Variants in OSBPL10 observed in about 807,000 individuals in gnomAD.
The protein encoded by OSBPL10 is oxysterol binding protein like 10, also known as oxysterol-binding protein-related protein 10.
In OSBPL10, 49 loss-of-function variants were observed where a neutral mutation model predicts 81.7. That is an observed-to-expected ratio of 0.60 (90% confidence interval 0.48 to 0.76). The LOEUF (loss-of-function observed/expected upper bound fraction) is 0.76, where lower values mean the gene tolerates loss of function less well. OSBPL10 is among the 30% of genes least tolerant of loss of function. OSBPL10 has a pLI of 0.00. For synonymous variants in OSBPL10, 419 were observed against 383.6 expected (o/e 1.09, Z -1.08); for missense variants, 923 against 987.8 (o/e 0.93, Z 0.88).
At chr3:31,950,263 A>G (rs1481057243) in intron 1 of OSBPL10, among the ~76,000 whole-genome samples, 1 of 152,240 alleles carries the variant, frequency 6.6e-6, no homozygotes, top group African/African-American at 2.4e-5. Context: ...CCTACAAACC[A>G]ATGCAAAAAA....
chr3:32,002,718 A>T (rs189667973), intron 2 of OSBPL10, among the ~76,000 whole-genome samples: 2 of 152,248 alleles, frequency 1.3e-5, no homozygotes, highest in African/African-American at 4.8e-5. Flanking sequence ...AAGGTTTCTC[A>T]GTGAGTCAGA....
Position 31,661,726 on chromosome 3 carries a change from A to C in OSBPL10, c.*346T>G. 5.3e-6 allele frequency: 1 copy of C among 189,720 alleles called. No homozygotes were observed. Among genetic ancestry groups the C allele is most frequent in the Non-Finnish European group, 1.1e-5 (1 of 93,018 alleles). The allele number at this position is 189,720 out of a possible 1,614,324, so 11.8% of individuals were successfully genotyped here. A position where few individuals can be genotyped will look rare whatever the true frequency, so the allele number is the denominator to read the frequency against. On this transcript the variant is annotated 3_prime_UTR_variant, in exon 12 of 12. Coordinates refer to ENST00000396556, the MANE Select transcript of OSBPL10 (RefSeq NM_017784.5). ...AAACATTTTTGGCAAAGTGAAAAATAGAAAAACTTCAAACTTCATTGATAA... is the reference window on the plus strand; with the variant it reads ...AAACATTTTTGGCAAAGTGAAAAATCGAAAAACTTCAAACTTCATTGATAA...
intron 7 of OSBPL10, among the ~76,000 whole-genome samples, chr3:31,685,280 G>A (rs1559415167): frequency 6.6e-6 from 1 of 152,258 alleles, no homozygotes; most frequent in East Asian, 1.9e-4. Context: ...TCAGCTCACT[G>A]CAACCTCCAC....
intron 1 of OSBPL10, among the ~76,000 whole-genome samples, chr3:31,926,182 TCAA>T (rs1171006012): frequency 6.6e-6 from 1 of 151,884 alleles, no homozygotes; most frequent in African/African-American, 2.4e-5. Context: ...TCAATTGTGC[TCAA>T]CAAATGTTTA....
chr3:31,807,328 G>A (rs373241421), intron 4 of OSBPL10, among the ~76,000 whole-genome samples: 6 of 152,110 alleles, frequency 3.9e-5, no homozygotes, highest in South Asian at 2.1e-4. Context: ...AGCAGAGATC[G>A]TGCCACTACA....
chr3:31,885,545 C>G (rs867100081), intron 1 of OSBPL10, among the ~76,000 whole-genome samples: 1 of 152,096 alleles, frequency 6.6e-6, no homozygotes, highest in Non-Finnish European at 1.5e-5. Context: ...GCCTCTACAC[C>G]CCCATCTACC....
chr3:31,951,474 G>A (rs1052009511), intron 1 of OSBPL10, among the ~76,000 whole-genome samples: 2 of 152,098 alleles, frequency 1.3e-5, no homozygotes, highest in East Asian at 3.9e-4. Flanking sequence ...GGGAGGAAAG[G>A]ATTGAGTTGA....
At chr3:32,026,009 G>GACAT (rs1699402061) in intron 2 of OSBPL10, among the ~76,000 whole-genome samples, 1 of 92,916 alleles carries the variant, frequency 1.1e-5, no homozygotes, top group South Asian at 4.0e-4. Flanking sequence ...TATATATACA[G>GACAT]ACATAGATAG....
intron 4 of OSBPL10, among the ~76,000 whole-genome samples, chr3:31,783,144 T>TACACAC (rs1193969514): frequency 2.3e-4 from 23 of 100,650 alleles, no homozygotes; most frequent in African/African-American, 9.9e-4. Flanking sequence ...TATATATATA[T>TACACAC]ATACACACAC....
At chr3:31,693,979 A>T (rs1695635087) in intron 7 of OSBPL10, among the ~76,000 whole-genome samples, 1 of 152,158 alleles carries the variant, frequency 6.6e-6, no homozygotes, top group Non-Finnish European at 1.5e-5. Context: ...TATGTTGCTC[A>T]GGCTGGTCTC....
At chr3:31,842,545 T>C (rs1399346528) in intron 3 of OSBPL10, among the ~76,000 whole-genome samples, 39 of 152,232 alleles carry the variant, frequency 2.6e-4, no homozygotes. Flanking sequence ...GCTCCTACTA[T>C]GGCTTCTGAC....
chr3:31,782,867 A>C (rs1434219046), intron 4 of OSBPL10, among the ~76,000 whole-genome samples: 1 of 152,126 alleles, frequency 6.6e-6, no homozygotes, highest in African/African-American at 2.4e-5. Context: ...ACCATTATGG[A>C]AAACAGTATG....
chr3:31,772,522 G>A (rs1386111440), intron 4 of OSBPL10, among the ~76,000 whole-genome samples: 3 of 152,150 alleles, frequency 2.0e-5, no homozygotes, highest in Admixed American at 6.5e-5. Context: ...GTGGTAAGCC[G>A]TTTGCCTGAG....
rs778931462 is a variant in OSBPL10, at chr3:31,702,344, G to T, written c.1245+15C>A. The T allele has an allele frequency of 2.5e-5, 41 of 1,613,286 alleles. No homozygotes were observed. Among genetic ancestry groups the T allele is most frequent in the Non-Finnish European group, 3.5e-5 (41 of 1,179,266 alleles). Reference sequence around the variant, plus strand: ...CCAACAACTGACCACAAATCCAGGGGACATGCCAACCTACCTTGGTCAAAT... The same window carrying T: ...CCAACAACTGACCACAAATCCAGGGTACATGCCAACCTACCTTGGTCAAAT... On this transcript the variant is annotated intron_variant, in intron 7 of 11. Transcript: ENST00000396556.
intron 2 of OSBPL10, among the ~76,000 whole-genome samples, chr3:32,018,627 G>A (rs556452844): frequency 2.6e-5 from 4 of 152,132 alleles, no homozygotes; most frequent in Non-Finnish European, 5.9e-5. Context: ...GATCATTTGA[G>A]CCCAGGAGCT....
intron 1 of OSBPL10, among the ~76,000 whole-genome samples, chr3:31,881,171 T>C (rs1006027250): frequency 2.4e-4 from 37 of 152,226 alleles, no homozygotes; most frequent in South Asian, 1.0e-3. Context: ...TCTGATTCAA[T>C]GACTGGTTTC....
chr3:31,668,708 G>A lies in OSBPL10; in HGVS notation c.2030C>T (p.Thr677Ile), dbSNP rs374288288. ...YNNGETKVID[T>I]TTLPVYPKKI... ...CTTGGGATACACTGGCAGTGTGGTT[G>A]TGTCGATGACTTTGGTTTCTCCATT... Residue 677 changes from threonine to isoleucine, a missense_variant, in exon 10 of 12, where the codon ACA (threonine) becomes ATA (isoleucine). Physicochemically the swap from Thr to Ile is moderately conservative, Grantham distance 89 (BLOSUM62 -1). Around this residue, in one of 3 missense-constraint regions of OSBPL10, gnomAD observed 387 missense variants for 436.3 expected, o/e 0.89. Transcript: ENST00000396556. 26 of 1,614,062 alleles carry A rather than the reference G, an allele frequency of 1.6e-5. No homozygotes were observed. The highest frequency in any genetic ancestry group is 1.2e-4 in the Admixed American group (7 of 60,010).
At chr3:31,668,540 T>C (rs1700250771) in intron 10 of OSBPL10, 102 bp downstream of exon 10, 4 of 1,112,352 alleles carry the variant, frequency 3.6e-6, no homozygotes, top group Non-Finnish European at 5.0e-6. Flanking sequence ...ATTCCTGGCC[T>C]GTTTCCAGTC....
At chr3:31,759,842 C>T (rs1697981109) in intron 4 of OSBPL10, among the ~76,000 whole-genome samples, 1 of 152,130 alleles carries the variant, frequency 6.6e-6, no homozygotes, top group Admixed American at 6.5e-5. Flanking sequence ...TTACTGCAAC[C>T]TCTGCCTCCT....
Sources: allele counts gnomAD v4.1 joint callset (sites outside exome capture counted in the v4.1 genomes callset), GRCh38; gene constraint gnomAD v4.1.1; regional missense constraint gnomAD v4.1.1; transcripts MANE v1.5; gene names NCBI Gene and HGNC (gene_info 2026-07-23, HGNC 2026-07-21).